The following DEFB136 variants were observed in gnomAD, a reference collection of about 807,000 sequenced individuals.
DEFB136 encodes the protein beta-defensin 136.
A neutral mutation model predicts 2.4 loss-of-function variants in DEFB136; 6 were observed. That is an observed-to-expected ratio of 2.45 (90% CI 1.34 to 4.84). DEFB136 has a LOEUF of 4.84. DEFB136 is among the 30% of genes most tolerant of loss of function. The pLI is 0.00. For missense variants in DEFB136, 126 were observed against 98.4 expected, an observed-to-expected ratio of 1.28 and a Z score of -1.19; for synonymous variants, 47 against 35.2, an observed-to-expected ratio of 1.33 and a Z score of -1.18.
At chr8:11,974,524 G>T in intron 1 of DEFB136, 21 bp downstream of exon 1, 2 of 1,613,686 alleles carry the variant, frequency 1.2e-6, no homozygotes, top group Non-Finnish European at 1.7e-6. Flanking sequence ...TTTATGTTCA[G>T]ACTCACGCCC....
chr8:11,974,011 G>C lies in DEFB136; in HGVS notation c.163C>G (p.His55Asp). 2 of 1,611,822 alleles carry C rather than the reference G, an allele frequency of 1.2e-6. No homozygotes were observed. Among genetic ancestry groups the C allele is most frequent in the East Asian group, 2.2e-5 (1 of 44,784 alleles). The change falls in exon 2 of 2, where the codon CAC becomes GAC. Residue 55 changes from histidine to aspartate, a missense_variant. Transcript: ENST00000382209. ...TTTTTACAGCAAGACAGAATATTGT[G>C]GCAGAACGCAATCCACCTGTATCCT... is the stretch of plus-strand genomic sequence containing the variant. ...PPGYRWIAFC[H>D]NILSCCKNMT... is the part of the protein sequence containing the mutation.
intron 1 of DEFB136, 48 bp from the exon 2 acceptor site, chr8:11,974,166 C>T (rs369354582): frequency 5.8e-5 from 88 of 1,504,500 alleles, no homozygotes; most frequent in Middle Eastern, 1.8e-4. Flanking sequence ...CTTAATGAGG[C>T]TGGGAGAAAT....
rs1213354131 is a variant in DEFB136 at position 11,974,529 on chromosome 8, A to C, written c.55+16T>G. The C allele has an allele frequency of 1.9e-6, 3 of 1,613,920 alleles. No homozygotes were observed. The African/African-American group carries it at 4.0e-5, about 22-fold the overall frequency. ...AACACCCACTTTTATGTTCAGACTC[A>C]CGCCCACTGTCTTACCTGAAGGCAG... On this transcript the variant is annotated intron_variant, in intron 1 of 1. Transcript: ENST00000382209.
At chr8:11,974,150 A>G (rs371665778) in intron 1 of DEFB136, 32 bp from the exon 2 acceptor site, 2 of 1,517,580 alleles carry the variant, frequency 1.3e-6, no homozygotes, top group South Asian at 1.3e-5. Flanking sequence ...GAAAAGAAAA[A>G]TCAATCTTAA....
rs772068307 is a variant in DEFB136, at chr8:11,973,978, G to A, written c.196C>T (p.Arg66Cys). 2.6e-5 allele frequency: 41 copies of A among 1,606,046 alleles called. No homozygotes were observed. The highest frequency in any genetic ancestry group is 1.7e-4 in the Admixed American group (10 of 58,448). The stretch of plus-strand genomic sequence containing the variant: ...TCTTTGGCTTGCGGGGGTTGAAAAC[G>A]TGTCATATTTTTACAGCAAGACAGA... ...NILSCCKNMTRFQPPQAKDPW... is the reference protein window; with the variant it reads ...NILSCCKNMTCFQPPQAKDPW... Residue 66 changes from arginine (R) to cysteine (C), a missense_variant, in exon 2 of 2, where the codon CGT becomes TGT. Transcript: ENST00000382209.
Sources: gnomAD v4.1 joint callset for allele counts on GRCh38, gnomAD v4.1.1 for gene constraint, MANE v1.5 for transcripts, NCBI Gene and HGNC (gene_info 2026-07-23, HGNC 2026-07-21) for gene names.